Variants in ESYT2 observed in about 807,000 individuals in gnomAD.
ESYT2 encodes extended synaptotagmin 2.
ESYT2 carries 54 observed loss-of-function variants against 107.2 expected under a neutral mutation model. That is an observed-to-expected ratio of 0.50 (90% CI 0.40 to 0.63). The LOEUF (loss-of-function observed/expected upper bound fraction) is 0.63, where lower values mean the gene tolerates loss of function less well. Among genes scored for constraint, ESYT2 ranks in the 30% least tolerant of loss-of-function variants. The pLI, the probability that ESYT2 is intolerant of heterozygous loss-of-function variation, is 0.00. For missense variants in ESYT2, 1,020 were observed against 1,094.5 expected (o/e 0.93, Z 0.96); for synonymous variants, 491 against 434.1 (o/e 1.13, Z -1.63).
chr7:158,738,969 CCAGCATCCACACT>C, intron 19 of ESYT2, 41 bp downstream of exon 19: 1 of 1,534,336 alleles, frequency 6.5e-7, no homozygotes, highest in Non-Finnish European at 9.0e-7. Flanking sequence ...ATCATCCTAT[CCAGCATCCACACT>C]CAGCAGCACA....
At chr7:158,796,154 GCAA>G (rs1039428027) in intron 3 of ESYT2, among the ~76,000 whole-genome samples, 8 of 152,318 alleles carry the variant, frequency 5.3e-5, no homozygotes, top group South Asian at 2.1e-4. Flanking sequence ...TGCTGTGTGT[GCAA>G]CAACGTGTGC....
At chr7:158,802,594 T>C (rs528398711) in intron 1 of ESYT2, among the ~76,000 whole-genome samples, 130 of 152,304 alleles carry the variant, frequency 8.5e-4, no homozygotes, top group African/African-American at 2.7e-3. Flanking sequence ...ATAAGCACTT[T>C]TAATTACAAA....
chr7:158,826,939 C>T (rs570775919), intron 1 of ESYT2, among the ~76,000 whole-genome samples: 4 of 150,684 alleles, frequency 2.7e-5, no homozygotes, highest in African/African-American at 4.9e-5. Flanking sequence ...CCAAGGCAGG[C>T]GGAACACAAG....
intron 1 of ESYT2, among the ~76,000 whole-genome samples, chr7:158,810,151 C>T (rs915964765): frequency 6.3e-5 from 9 of 142,886 alleles, no homozygotes; most frequent in African/African-American, 2.7e-4. Flanking sequence ...ACAGAGGTAC[C>T]ATATGACCCA....
At chr7:158,741,103 T>C (rs543241463) in intron 18 of ESYT2, among the ~76,000 whole-genome samples, 6 of 152,268 alleles carry the variant, frequency 3.9e-5, no homozygotes, top group African/African-American at 1.4e-4. Context: ...GCAACAGGGA[T>C]GGGATCCAAC....
chr7:158,782,262 T>C (rs1009616423), intron 6 of ESYT2, among the ~76,000 whole-genome samples: 7 of 146,238 alleles, frequency 4.8e-5, no homozygotes, highest in African/African-American at 1.8e-4. Flanking sequence ...TGAACAAGTA[T>C]GAGTGTGAGA....
intron 2 of ESYT2, 139 bp downstream of exon 2, chr7:158,798,892 T>C: frequency 2.9e-6 from 2 of 701,168 alleles, no homozygotes; most frequent in African/African-American, 3.6e-5. Context: ...GTGACTGAGG[T>C]CTTTGGGGAC....
intron 6 of ESYT2, among the ~76,000 whole-genome samples, chr7:158,781,631 A>G (rs1838819537): frequency 4.5e-5 from 1 of 22,356 alleles, no homozygotes; most frequent in African/African-American, 7.3e-5. Context: ...GAGTGTGAGA[A>G]CAAAGTGAGG....
At chr7:158,767,811 C>T (rs1241020453) in intron 7 of ESYT2, 37 bp from the exon 8 acceptor site, 2 of 1,590,712 alleles carry the variant, frequency 1.3e-6, no homozygotes. Context: ...AACGGACTAT[C>T]AGACATGTGA....
At chr7:158,768,505 C>T (rs1396044794) in intron 7 of ESYT2, among the ~76,000 whole-genome samples, 2 of 152,180 alleles carry the variant, frequency 1.3e-5, no homozygotes, top group African/African-American at 4.8e-5. Context: ...CTGCAACCTC[C>T]AGCTCCTGGG....
chr7:158,801,393 A>G (rs1007681000), intron 1 of ESYT2, among the ~76,000 whole-genome samples: 1 of 152,238 alleles, frequency 6.6e-6, no homozygotes, highest in African/African-American at 2.4e-5. Flanking sequence ...CTAAAGAAAA[A>G]GAGAAAGAGA....
intron 16 of ESYT2, chr7:158,744,241 T>C (rs1837324034): frequency 6.6e-6 from 1 of 152,192 alleles, no homozygotes; most frequent in Admixed American, 6.5e-5. Context: ...AAGCAAAAGA[T>C]CTGCTATTTC....
chr7:158,759,577 A>G lies in ESYT2; in HGVS notation c.1328T>C (p.Leu443Pro). 6.2e-7 allele frequency: 1 copy of G among 1,608,674 alleles called. No homozygotes were observed. The highest frequency in any genetic ancestry group is 1.1e-5 in the South Asian group (1 of 90,882). The change falls in exon 13 of 23, where the codon CTA (leucine) becomes CCA (proline). Residue 443 changes from leucine (L) to proline (P), a missense_variant. Leu to Pro is a moderately conservative substitution (Grantham distance 98). Transcript: ENST00000275418. ...MPNASNLDKV[L>P]TDIKADKDQA... Reference sequence around the variant, plus strand: ...GTCTTTGTCAGCTTTGATGTCTGTTAGCACCTAAAAGGAAAGGAAAAAGCC... The same window carrying G: ...GTCTTTGTCAGCTTTGATGTCTGTTGGCACCTAAAAGGAAAGGAAAAAGCC...
At chr7:158,798,199 T>A in intron 2 of ESYT2, 123 bp from the exon 3 acceptor site, 1 of 1,004,704 alleles carries the variant, frequency 1.0e-6, no homozygotes, top group Non-Finnish European at 1.4e-6. Flanking sequence ...CGGGAGGATC[T>A]TGTTGTTATG....
intron 1 of ESYT2, among the ~76,000 whole-genome samples, chr7:158,811,991 C>T (rs1043169553): frequency 2.0e-5 from 3 of 152,226 alleles, no homozygotes; most frequent in African/African-American, 7.2e-5. Context: ...ACAAACTGGA[C>T]TTTGGGACAG....
At chr7:158,786,935 G>A (rs80240438) in intron 6 of ESYT2, among the ~76,000 whole-genome samples, 2 of 152,242 alleles carry the variant, frequency 1.3e-5, no homozygotes, top group East Asian at 3.9e-4. Flanking sequence ...CAAAAGGGGC[G>A]AAGAAAGTTT....
intron 1 of ESYT2, 37 bp from the exon 2 acceptor site, chr7:158,799,109 C>A (rs757842269): frequency 6.4e-7 from 1 of 1,569,238 alleles, no homozygotes; most frequent in African/African-American, 1.4e-5. Context: ...TTATTAACTC[C>A]CAACAACTGT....
At chr7:158,748,737 G>T (rs950825699) in intron 15 of ESYT2, among the ~76,000 whole-genome samples, 6 of 151,118 alleles carry the variant, frequency 4.0e-5, no homozygotes, top group African/African-American at 7.3e-5. Flanking sequence ...TTTTTGGTAG[G>T]GGGGACAGAG....
chr7:158,797,343 C>T (rs1200495637), intron 3 of ESYT2, among the ~76,000 whole-genome samples: 1 of 151,958 alleles, frequency 6.6e-6, no homozygotes, highest in Non-Finnish European at 1.5e-5. Flanking sequence ...GAGACGGAGT[C>T]CCACTTTGTT....
Sources: allele counts gnomAD v4.1 joint callset (sites outside exome capture counted in the v4.1 genomes callset), GRCh38; gene constraint gnomAD v4.1.1; transcripts MANE v1.5; gene names NCBI Gene and HGNC (gene_info 2026-07-23, HGNC 2026-07-21).